The following MYLK variants were observed in gnomAD, a reference collection of about 807,000 sequenced individuals.
MYLK encodes myosin light chain kinase, smooth muscle.
Under a neutral mutation model 203.4 loss-of-function variants are expected in MYLK, and 106 were observed. The observed-to-expected ratio is 0.52, with a 90% CI of 0.45 to 0.61. MYLK has a LOEUF of 0.61. Ranked by LOEUF, MYLK falls within the 20% of genes least tolerant of loss-of-function variation. The pLI is 0.00. For missense variants in MYLK, 2,072 were observed against 2,442.3 expected (o/e 0.85, Z 3.20); for synonymous variants, 867 against 959.5 (o/e 0.90, Z 1.78).
At chr3:123,770,555 G>A (rs753706074) in intron 4 of MYLK, among the ~76,000 whole-genome samples, 1 of 152,194 alleles carries the variant, frequency 6.6e-6, no homozygotes, top group Non-Finnish European at 1.5e-5. Flanking sequence ...GACAGACTGC[G>A]TCCAGGTACA....
chr3:123,835,689 CCT>C (rs1286430582), intron 2 of MYLK, among the ~76,000 whole-genome samples: 1 of 152,214 alleles, frequency 6.6e-6, no homozygotes, highest in African/African-American at 2.4e-5. Context: ...CTTCTTCCCT[CCT>C]GTCTCTGGCC....
intron 18 of MYLK, 102 bp downstream of exon 18, chr3:123,699,918 A>T: frequency 6.6e-7 from 1 of 1,509,746 alleles, no homozygotes; most frequent in Non-Finnish European, 9.1e-7. Context: ...TTAGCAGCCT[A>T]CCTATGGGCT....
intron 4 of MYLK, among the ~76,000 whole-genome samples, chr3:123,767,217 C>T (rs545767275): frequency 6.6e-6 from 1 of 152,328 alleles, no homozygotes; most frequent in East Asian, 1.9e-4. Context: ...GTTGAGAAGC[C>T]TGCAGGTAGG....
chr3:123,612,448 G>A lies in MYLK; in HGVS notation c.*1657C>T, dbSNP rs78974757. On this transcript the variant is annotated 3_prime_UTR_variant, in exon 34 of 34. Coordinates refer to ENST00000360304, the MANE Select transcript of MYLK (RefSeq NM_053025.4). ...GCATTAACCTGTAACACACATATAC[G>A]CCACACATGCACACACACAACATAC... 5.1e-4 allele frequency: 78 copies of A among 152,482 alleles called. No individual in the cohort carries two copies. In the East Asian group the frequency reaches 8.7e-3, roughly 17 times the overall value. The allele number at this position is 152,482 out of a possible 1,614,324, so 9.4% of individuals were successfully genotyped here. A position where few individuals can be genotyped will look rare whatever the true frequency, so the allele number is the denominator to read the frequency against.
chr3:123,658,223 C>G (rs906338344), intron 23 of MYLK, among the ~76,000 whole-genome samples: 5 of 152,190 alleles, frequency 3.3e-5, no homozygotes, highest in Non-Finnish European at 7.3e-5. Context: ...ATTTCAAAAG[C>G]AAACCACAAT....
At chr3:123,712,943 C>A (rs1026216624) in intron 13 of MYLK, among the ~76,000 whole-genome samples, 1 of 152,206 alleles carries the variant, frequency 6.6e-6, no homozygotes, top group Non-Finnish European at 1.5e-5. Context: ...GTCAAAGAAC[C>A]AATGGAGTCT....
intron 13 of MYLK, among the ~76,000 whole-genome samples, chr3:123,710,431 T>C (rs2061645986): frequency 6.6e-6 from 1 of 152,224 alleles, no homozygotes; most frequent in South Asian, 2.1e-4. Flanking sequence ...TCTTGGTGTC[T>C]CTCATAAGAC....
chr3:123,749,570 T>G (rs1256077089), intron 5 of MYLK, among the ~76,000 whole-genome samples: 7 of 152,234 alleles, frequency 4.6e-5, no homozygotes, highest in Non-Finnish European at 1.0e-4. Context: ...TTCTTGGGCC[T>G]GATCACTACA....
chr3:123,806,866 T>A (rs2065386531), intron 3 of MYLK, among the ~76,000 whole-genome samples: 1 of 151,970 alleles, frequency 6.6e-6, no homozygotes, highest in Admixed American at 6.5e-5. Flanking sequence ...GGTTTCAGCA[T>A]GTTGGCCAGG....
chr3:123,870,453 G>T (rs950853018), intron 2 of MYLK, among the ~76,000 whole-genome samples: 2 of 152,206 alleles, frequency 1.3e-5, no homozygotes, highest in Non-Finnish European at 1.5e-5. Context: ...CCTGACAGGA[G>T]ATCAGAGATG....
chr3:123,849,417 T>C (rs138984777), intron 2 of MYLK, among the ~76,000 whole-genome samples: 53 of 152,286 alleles, frequency 3.5e-4, no homozygotes, highest in African/African-American at 1.2e-3. Flanking sequence ...ACCCAAAGAA[T>C]TGTGATATAA....
At chr3:123,710,540 C>G (rs1020506398) in intron 13 of MYLK, among the ~76,000 whole-genome samples, 1 of 152,164 alleles carries the variant, frequency 6.6e-6, no homozygotes, top group African/African-American at 2.4e-5. Flanking sequence ...AGACACTACA[C>G]TCATTAGAAT....
At chr3:123,637,974 T>C in intron 29 of MYLK, 97 bp downstream of exon 29, 7 of 1,566,410 alleles carry the variant, frequency 4.5e-6, no homozygotes. Flanking sequence ...ATCATGACAA[T>C]GGCAGGGCAG....
intron 29 of MYLK, among the ~76,000 whole-genome samples, chr3:123,635,211 G>GAGAGGGATAGAGTGGGCC (rs1318994501): frequency 2.0e-5 from 3 of 152,390 alleles, no homozygotes; most frequent in African/African-American, 7.2e-5. Flanking sequence ...AGGCTCCAAA[G>GAGAGGGATAGAGTGGGCC]AGAGGGATAG....
chr3:123,708,076 AGGT>A, intron 15 of MYLK, 73 bp from the exon 16 acceptor site: 1 of 1,596,516 alleles, frequency 6.3e-7, no homozygotes, highest in Non-Finnish European at 8.5e-7. Flanking sequence ...TTCTCCATGG[AGGT>A]GAAGGATGGG....
chr3:123,671,963 C>T (rs1576498627), intron 20 of MYLK, among the ~76,000 whole-genome samples: 2 of 152,086 alleles, frequency 1.3e-5, no homozygotes, highest in Admixed American at 1.3e-4. Flanking sequence ...GATATGATCT[C>T]TGGAGAGAGG....
intron 24 of MYLK, among the ~76,000 whole-genome samples, chr3:123,650,119 G>A (rs942669922): frequency 1.2e-4 from 19 of 152,160 alleles, no homozygotes; most frequent in African/African-American, 4.3e-4. Flanking sequence ...CCTTTGCCTC[G>A]ATACAGGTTT....
At chr3:123,738,773 G>A (rs866257988) in intron 7 of MYLK, 124 bp downstream of exon 7, 1 of 1,311,912 alleles carries the variant, frequency 7.6e-7, no homozygotes, top group Admixed American at 2.0e-5. Context: ...CCCCAGCCAT[G>A]TGGAACGGTG....
At position 123,629,469 on chromosome 3, in the gene MYLK, A is replaced by G. The variant is rs201934398; in HGVS notation, c.5114+5T>C. Reference sequence around the variant, plus strand: ...GAAGCAAAGACTGAAATCCCAACTCATTACTTCATATCTTTCTTCAGCAGA... The same window carrying G: ...GAAGCAAAGACTGAAATCCCAACTCGTTACTTCATATCTTTCTTCAGCAGA... On this transcript the variant is annotated splice_donor_5th_base_variant and intron_variant, in intron 30 of 33. Transcript: ENST00000360304. This position sits in a 1 kb window ranked among gnomAD's most constrained non-coding sequence, Gnocchi z 4.4. The G allele has an allele frequency of 1.1e-5, 18 of 1,614,134 alleles. No homozygotes were observed. The East Asian group carries it at 3.8e-4, about 34-fold the overall frequency.
Sources: allele counts gnomAD v4.1 joint callset (sites outside exome capture counted in the v4.1 genomes callset), GRCh38; gene constraint gnomAD v4.1.1; non-coding constraint Gnocchi (gnomAD v3.1); transcripts MANE v1.5; gene names NCBI Gene and HGNC (gene_info 2026-07-23, HGNC 2026-07-21).